Variants in CHST9 observed in about 807,000 individuals in gnomAD.
CHST9 encodes the protein GalNAc-4-sulfotransferase 2.
In CHST9, 41 loss-of-function variants were observed where a neutral mutation model predicts 44.4. The ratio of observed to expected loss-of-function variants is 0.92; its 90% CI spans 0.72 to 1.20. The LOEUF is 1.20. CHST9 is among the 50% of genes most tolerant of loss of function. CHST9 has a pLI of 0.00. For missense variants in CHST9, 504 were observed against 516.5 expected (o/e 0.98, Z 0.23); for synonymous variants, 171 against 178.4 (o/e 0.96, Z 0.33).
At chr18:27,118,624 A>T (rs142201563) in intron 2 of CHST9, among the ~76,000 whole-genome samples, 1,721 of 152,374 alleles carry the variant, frequency 0.011, 37 homozygotes, top group African/African-American at 0.039. Flanking sequence ...AATGAAAAAT[A>T]ATACCAATGA....
chr18:26,996,395 G>A (rs550804200), intron 4 of CHST9, among the ~76,000 whole-genome samples: 6 of 152,198 alleles, frequency 3.9e-5, no homozygotes, highest in South Asian at 2.1e-4. Context: ...TCATGGGAGC[G>A]GATCCCTCAT....
intron 2 of CHST9, among the ~76,000 whole-genome samples, chr18:27,130,314 T>G (rs1472944752): frequency 6.6e-6 from 1 of 152,160 alleles, no homozygotes; most frequent in African/African-American, 2.4e-5. Context: ...TAGTAATTAT[T>G]TTAATCGATT....
In CHST9 at chr18:27,168,168, G is replaced by A. The variant is rs576233546; in HGVS notation, c.-97+16968C>T. On this transcript the variant is annotated intron_variant, in intron 1 of 5. Coordinates refer to ENST00000618847, the MANE Select transcript of CHST9 (RefSeq NM_031422.6). ...CGGCTCACTGCAAGCCCCGCCTCCC[G>A]GGTTCATGCCATTCTCCGGCCTCGG... 1.3e-4 allele frequency among the ~76,000 whole-genome samples: 19 copies of A among 149,980 alleles called. No homozygotes were observed. In the East Asian group the frequency reaches 2.6e-3, roughly 20 times the overall value.
chr18:27,051,571 TGAGGAA>T (rs2057567473), intron 2 of CHST9, among the ~76,000 whole-genome samples: 1 of 152,066 alleles, frequency 6.6e-6, no homozygotes, highest in South Asian at 2.1e-4. Context: ...CAACTGCCAA[TGAGGAA>T]CAAAGGCCTG....
chr18:27,057,085 G>A (rs1192178992), intron 2 of CHST9, among the ~76,000 whole-genome samples: 2 of 152,220 alleles, frequency 1.3e-5, no homozygotes, highest in African/African-American at 2.4e-5. Context: ...TGAAGAGAAA[G>A]GGAGAGCTGC....
At chr18:27,059,111 C>T (rs779155282) in intron 2 of CHST9, among the ~76,000 whole-genome samples, 1 of 152,104 alleles carries the variant, frequency 6.6e-6, no homozygotes, top group Non-Finnish European at 1.5e-5. Context: ...ATTAGGAGTG[C>T]AGTTAAAGCA....
intron 1 of CHST9, among the ~76,000 whole-genome samples, chr18:27,172,042 C>A (rs563273309): frequency 1.3e-5 from 2 of 152,090 alleles, no homozygotes; most frequent in Non-Finnish European, 2.9e-5. Context: ...CTTATAATAT[C>A]TAGAATTATT....
chr18:27,054,747 T>A (rs575676657), intron 2 of CHST9, among the ~76,000 whole-genome samples: 1 of 152,138 alleles, frequency 6.6e-6, no homozygotes, highest in Non-Finnish European at 1.5e-5. Context: ...ATAATGAGTA[T>A]GGGCATCTGT....
At chr18:27,048,856 T>C (rs529015529) in intron 2 of CHST9, among the ~76,000 whole-genome samples, 8 of 151,500 alleles carry the variant, frequency 5.3e-5, no homozygotes, top group Admixed American at 2.0e-4. Context: ...CTTGAAAAAA[T>C]AGAAAGGACA....
intron 1 of CHST9, among the ~76,000 whole-genome samples, chr18:27,144,081 G>A (rs1176071618): frequency 6.6e-6 from 1 of 152,178 alleles, no homozygotes; most frequent in Admixed American, 6.5e-5. Flanking sequence ...CCGGCTAATG[G>A]GGCCAAGGTC....
chr18:27,062,024 G>A (rs545534979), intron 2 of CHST9, among the ~76,000 whole-genome samples: 39 of 152,028 alleles, frequency 2.6e-4, no homozygotes, highest in African/African-American at 4.6e-4. Context: ...CAGCTCCTGC[G>A]TTAAGTCCAC....
At chr18:27,048,814 AG>A (rs2057534085) in intron 2 of CHST9, among the ~76,000 whole-genome samples, 1 of 152,194 alleles carries the variant, frequency 6.6e-6, no homozygotes, top group South Asian at 2.1e-4. Context: ...TGGGGAAAAC[AG>A]CTAAATAAGA....
In CHST9 at chr18:27,044,067, C is replaced by A. The variant is rs185169925; in HGVS notation, c.160+4398G>T. 4.3e-3 allele frequency among the ~76,000 whole-genome samples: 538 copies of A among 125,024 alleles called. 2 individuals are homozygous for A. Among genetic ancestry groups the A allele is most frequent in the African/African-American group, 0.013 (517 of 39,304 alleles). The allele number at this position is 125,024 out of a possible 152,430, so 82.0% of individuals were successfully genotyped here. On this transcript the variant is annotated intron_variant, in intron 3 of 5. Coordinates refer to ENST00000618847, the MANE Select transcript of CHST9 (RefSeq NM_031422.6). The stretch of plus-strand genomic sequence containing the variant: ...CTTTGGACAGCGAGCCCTTCCCCCC[C>A]CTTTATTTTAACCTGGTAAACTACT...
At chr18:27,004,210 G>A (rs151038037) in intron 4 of CHST9, among the ~76,000 whole-genome samples, 2 of 152,088 alleles carry the variant, frequency 1.3e-5, no homozygotes, top group Admixed American at 6.6e-5. Context: ...AAATTACTGC[G>A]AGCAACAGAG....
rs191892791 is a variant in CHST9 at position 26,907,857 on chromosome 18, A to G, written c.*8402T>C. 469 of 180,510 alleles carry G rather than the reference A, an allele frequency of 2.6e-3. No homozygotes were observed. Among genetic ancestry groups the G allele is most frequent in the South Asian group, 6.4e-3 (40 of 6,212 alleles). The allele number at this position is 180,510 out of a possible 1,614,324, so 11.2% of individuals were successfully genotyped here. A position where few individuals can be genotyped will look rare whatever the true frequency, so the allele number is the denominator to read the frequency against. On this transcript the variant is annotated 3_prime_UTR_variant, in exon 6 of 6. Transcript: ENST00000618847. ...GAAAAAAATTCTGGTACGTCCTTCA[A>G]TATGGATGAACCTTGAGGACATTAT...
At chr18:26,970,488 GCA>G (rs2056527401) in intron 4 of CHST9, among the ~76,000 whole-genome samples, 1 of 152,166 alleles carries the variant, frequency 6.6e-6, no homozygotes, top group African/African-American at 2.4e-5. Flanking sequence ...GAGTGCAGTG[GCA>G]CAGTCTCGGC....
intron 3 of CHST9, 98 bp downstream of exon 3, chr18:27,048,367 T>C: frequency 1.1e-6 from 1 of 885,954 alleles, no homozygotes; most frequent in Non-Finnish European, 1.8e-6. Context: ...CATAAACTAT[T>C]AATTTTAGTG....
chr18:27,056,553 G>A (rs1212605270), intron 2 of CHST9, among the ~76,000 whole-genome samples: 1 of 152,052 alleles, frequency 6.6e-6, no homozygotes, highest in African/African-American at 2.4e-5. Flanking sequence ...ACTTCACAGG[G>A]TCACTGTGAA....
At chr18:27,113,212 T>C (rs967695070) in intron 2 of CHST9, among the ~76,000 whole-genome samples, 2 of 151,602 alleles carry the variant, frequency 1.3e-5, no homozygotes, top group African/African-American at 2.4e-5. Context: ...AAAAAATCAA[T>C]TGATGACACC....
Sources: gnomAD v4.1 joint callset for allele counts (sites outside exome capture counted in the v4.1 genomes callset) on GRCh38, gnomAD v4.1.1 for gene constraint, MANE v1.5 for transcripts, NCBI Gene and HGNC (gene_info 2026-07-23, HGNC 2026-07-21) for gene names.